DCBLD2: variants seen among roughly 807,000 people sequenced by gnomAD.
The protein encoded by DCBLD2 is discoidin, CUB and LCCL domain-containing protein 2.
A neutral mutation model predicts 86.8 loss-of-function variants in DCBLD2; 54 were observed. The ratio of observed to expected loss-of-function variants is 0.62; its 90% CI spans 0.50 to 0.78. The LOEUF is 0.78. Ranked by LOEUF, DCBLD2 falls within the 30% of genes least tolerant of loss-of-function variation. The probability of loss-of-function intolerance (pLI) is 0.00; values close to 1 mark genes in which losing one functional copy is unlikely to be tolerated. For synonymous variants in DCBLD2, 354 were observed against 341.3 expected (o/e 1.04, Z -0.41); for missense variants, 908 against 954.2 (o/e 0.95, Z 0.64).
rs1233554345 is a variant in DCBLD2, at chr3:98,799,225, A to G, written c.*147T>C. On this transcript the variant is annotated 3_prime_UTR_variant, in exon 16 of 16. Transcript: ENST00000326840. ...CACCTTAAAGCAAGATGGCAAGATT[A>G]GTAGTTTCCTGTACCTCAGTCACCA... 2 of 800,452 alleles carry G rather than the reference A, an allele frequency of 2.5e-6. No homozygotes were observed. Among genetic ancestry groups the G allele is most frequent in the African/African-American group, 3.5e-5 (2 of 57,534 alleles). The allele number at this position is 800,452 out of a possible 1,614,324, so 49.6% of individuals were successfully genotyped here. A position where few individuals can be genotyped will look rare whatever the true frequency, so the allele number is the denominator to read the frequency against.
chr3:98,890,063 T>G (rs542367829), intron 1 of DCBLD2, among the ~76,000 whole-genome samples: 1 of 152,190 alleles, frequency 6.6e-6, no homozygotes, highest in East Asian at 1.9e-4. Context: ...CTAATGTCAA[T>G]GCACTGCAAT....
intron 3 of DCBLD2, among the ~76,000 whole-genome samples, chr3:98,836,664 G>T (rs1161437492): frequency 2.4e-5 from 3 of 122,850 alleles, no homozygotes; most frequent in African/African-American, 6.1e-5. Context: ...CTTCCCAGTA[G>T]GGGCGGCCGG....
intron 2 of DCBLD2, among the ~76,000 whole-genome samples, chr3:98,864,377 T>G (rs564233120): frequency 1.4e-5 from 2 of 143,660 alleles, no homozygotes; most frequent in East Asian, 4.8e-4. Context: ...GGATTATAAA[T>G]CATGTTGCTG....
chr3:98,809,568 A>G (rs148567351), intron 12 of DCBLD2, among the ~76,000 whole-genome samples: 275 of 152,228 alleles, frequency 1.8e-3, no homozygotes, highest in Admixed American at 6.4e-3. Context: ...ACTGGAAGGA[A>G]ACTCCCTACT....
chr3:98,873,944 T>C (rs1488099851), intron 2 of DCBLD2, among the ~76,000 whole-genome samples: 2 of 152,188 alleles, frequency 1.3e-5, no homozygotes, highest in African/African-American at 4.8e-5. Flanking sequence ...TGTTAATAAC[T>C]GTAAGATTCT....
chr3:98,816,071 A>G (rs555964463), intron 9 of DCBLD2: 1 of 151,648 alleles, frequency 6.6e-6, no homozygotes, highest in Non-Finnish European at 1.5e-5. Flanking sequence ...TAAAAAAGCC[A>G]CATCAATCAA....
chr3:98,895,180 A>G (rs191423096), intron 1 of DCBLD2: 7 of 152,306 alleles, frequency 4.6e-5, no homozygotes, highest in Admixed American at 4.6e-4. Flanking sequence ...CTGGCATTAG[A>G]TTAAGTCAGA....
chr3:98,823,216 C>T (rs559519736), intron 4 of DCBLD2, among the ~76,000 whole-genome samples: 1 of 152,082 alleles, frequency 6.6e-6, no homozygotes, highest in Non-Finnish European at 1.5e-5. Context: ...TTCTTCCATC[C>T]ATATATATAT....
At chr3:98,817,924 C>A in intron 8 of DCBLD2, 31 bp from the exon 9 acceptor site, 1 of 1,607,722 alleles carries the variant, frequency 6.2e-7, no homozygotes, top group East Asian at 2.2e-5. Context: ...TTCATTAATG[C>A]ACATGGTCTG....
chr3:98,860,373 A>G (rs9853913), intron 2 of DCBLD2, among the ~76,000 whole-genome samples: 3,228 of 152,236 alleles, frequency 0.021, 113 homozygotes, highest in African/African-American at 0.072. Context: ...AATACAGAGA[A>G]TGCCACAAAG....
At chr3:98,872,270 T>C (rs766080196) in intron 2 of DCBLD2, among the ~76,000 whole-genome samples, 2 of 152,176 alleles carry the variant, frequency 1.3e-5, no homozygotes, top group South Asian at 4.1e-4. Context: ...CTCTTATAAA[T>C]TGATTAATGC....
Position 98,811,216 on chromosome 3 carries a change from G to A in DCBLD2, c.1554C>T (p.Thr518=), listed in dbSNP as rs1379736101. The change falls in exon 12 of 16, where the codon ACC becomes ACT. Residue 518 remains threonine, a synonymous_variant. Coordinates refer to ENST00000326840, the MANE Select transcript of DCBLD2 (RefSeq NM_080927.4). ...TTASPDIRNT[T]VTPNVTKDVA... ...TACCTTTGGTTACATTTGGAGTTAC[G>A]GTAGTATTTCTGATATCAGGACTGG... 5 of 1,608,908 alleles carry A rather than the reference G, an allele frequency of 3.1e-6. No homozygotes were observed. Among genetic ancestry groups the A allele is most frequent in the East Asian group, 2.2e-5 (1 of 44,848 alleles).
chr3:98,842,479 T>C (rs1942638866), intron 3 of DCBLD2, among the ~76,000 whole-genome samples: 1 of 152,216 alleles, frequency 6.6e-6, no homozygotes, highest in Non-Finnish European at 1.5e-5. Context: ...TTATAGTGAT[T>C]CAGAGCCAAT....
In DCBLD2 at chr3:98,799,442, G is replaced by A. The variant is rs775046338; in HGVS notation, c.2258C>T (p.Pro753Leu). 6.2e-7 allele frequency: 1 copy of A among 1,613,980 alleles called. No individual in the cohort carries two copies. The highest frequency in any genetic ancestry group is 1.6e-4 in the Middle Eastern group (1 of 6,062). Residue 753 changes from proline (P) to leucine (L), a missense_variant, in exon 16 of 16, where the codon CCA (proline) becomes CTA (leucine). By Grantham distance (98) the Pro-to-Leu change is moderately conservative (BLOSUM62 -3). This residue lies in a region of DCBLD2 where 606 missense variants were observed against 678.5 expected (regional missense o/e 0.89). Transcript: ENST00000326840. ...TCCTGATACTTCTTGTGTGCTCTGTGGCACCTGGTACACCAATTCGTCTGG... is the reference window on the plus strand; with the variant it reads ...TCCTGATACTTCTTGTGTGCTCTGTAGCACCTGGTACACCAATTCGTCTGG... Reference protein sequence around the residue: ...PAPDELVYQVPQSTQEVSGAG... With the variant: ...PAPDELVYQVLQSTQEVSGAG...
chr3:98,812,235 AG>A (rs1447777016), intron 10 of DCBLD2, 96 bp downstream of exon 10: 1 of 1,461,468 alleles, frequency 6.8e-7, no homozygotes, highest in Non-Finnish European at 9.3e-7. Flanking sequence ...TTAACCAGAA[AG>A]ACACTCACAT....
intron 1 of DCBLD2, among the ~76,000 whole-genome samples, chr3:98,882,245 GTAAATA>G (rs1228651621): frequency 1.3e-5 from 2 of 152,032 alleles, no homozygotes; most frequent in East Asian, 3.8e-4. Context: ...ACAAATAAAA[GTAAATA>G]TAAATTAGTA....
intron 2 of DCBLD2, among the ~76,000 whole-genome samples, chr3:98,850,379 A>G (rs980592452): frequency 2.0e-5 from 3 of 152,196 alleles, no homozygotes; most frequent in African/African-American, 4.8e-5. Flanking sequence ...ATGTTTTAAG[A>G]AAGTTTATAA....
intron 3 of DCBLD2, among the ~76,000 whole-genome samples, chr3:98,845,545 T>C (rs1310045830): frequency 6.6e-6 from 1 of 152,208 alleles, no homozygotes; most frequent in Non-Finnish European, 1.5e-5. Flanking sequence ...AACGGGCCTC[T>C]CTACATTTAT....
chr3:98,862,111 A>T (rs142552195), intron 2 of DCBLD2, among the ~76,000 whole-genome samples: 2,876 of 152,214 alleles, frequency 0.019, 30 homozygotes, highest in Middle Eastern at 0.034. Flanking sequence ...GCAAATAAAC[A>T]AGAAAATCTA....
Sources: gnomAD v4.1 joint callset for allele counts (sites outside exome capture counted in the v4.1 genomes callset) on GRCh38, gnomAD v4.1.1 for gene constraint, gnomAD v4.1.1 regional missense constraint, MANE v1.5 for transcripts, NCBI Gene and HGNC (gene_info 2026-07-23, HGNC 2026-07-21) for gene names.